NAV2: variants seen among roughly 807,000 people sequenced by gnomAD.
NAV2 encodes the protein helicase, APC down-regulated 1.
A neutral mutation model predicts 223.2 loss-of-function variants in NAV2; 54 were observed. That is an observed-to-expected ratio of 0.24 (90% CI 0.19 to 0.30). NAV2 has a LOEUF of 0.30. NAV2 is among the 10% of genes least tolerant of loss of function. The probability of loss-of-function intolerance (pLI) is 1.00; values close to 1 mark genes in which losing one functional copy is unlikely to be tolerated. For synonymous variants in NAV2, 1,279 were observed against 1,239.3 expected (o/e 1.03, Z -0.67); for missense variants, 2,806 against 3,147.5 (o/e 0.89, Z 2.60).
intron 1 of NAV2, among the ~76,000 whole-genome samples, chr11:19,831,573 A>G (rs2059945610): frequency 6.6e-6 from 1 of 152,198 alleles, no homozygotes; most frequent in South Asian, 2.1e-4. Flanking sequence ...TCACAAGTCC[A>G]TGCATGGAAC....
intron 1 of NAV2, among the ~76,000 whole-genome samples, chr11:19,351,882 T>C (rs562154914): frequency 1.9e-4 from 28 of 144,786 alleles, no homozygotes; most frequent in Non-Finnish European, 3.3e-4. Flanking sequence ...TCCTCCTGAG[T>C]CTCAAAGATT....
Position 20,118,264 on chromosome 11 carries a change from G to T in NAV2, c.*6G>T, listed in dbSNP as rs575118262. The T allele has an allele frequency of 2.5e-6, 4 of 1,613,480 alleles. No individual in the cohort carries two copies. The highest frequency in any genetic ancestry group is 3.4e-6 in the Non-Finnish European group (4 of 1,179,856). On this transcript the variant is annotated 3_prime_UTR_variant, in exon 38 of 38. Transcript: ENST00000349880. ...CTTTGGAGTCCACTCTGTGACAGGG[G>T]CCCGGAGCCCAGCGCCCTCCTCTTC...
At chr11:20,090,754 C>A in intron 26 of NAV2, 111 bp from the exon 27 acceptor site, 3 of 1,105,000 alleles carry the variant, frequency 2.7e-6, no homozygotes, top group Middle Eastern at 2.1e-4. Context: ...AAGCACCAGG[C>A]AGCTGGTTAT....
chr11:19,817,527 G>A (rs967801539), intron 1 of NAV2, among the ~76,000 whole-genome samples: 4 of 152,142 alleles, frequency 2.6e-5, no homozygotes, highest in Non-Finnish European at 5.9e-5. Flanking sequence ...CGCCTCAGTG[G>A]GTGATGAGGT....
At chr11:19,592,606 C>T (rs761208026) in intron 1 of NAV2, among the ~76,000 whole-genome samples, 12 of 152,096 alleles carry the variant, frequency 7.9e-5, no homozygotes, top group African/African-American at 2.9e-4. Context: ...ATTCCTAGGT[C>T]TCTCTGGGTA....
At chr11:19,990,830 C>G (rs751417126) in intron 11 of NAV2, among the ~76,000 whole-genome samples, 10 of 152,200 alleles carry the variant, frequency 6.6e-5, no homozygotes, top group Non-Finnish European at 1.2e-4. Context: ...GTGGCCAGTG[C>G]TCTCCTAGAC....
chr11:19,352,114 T>C (rs1238943558), intron 1 of NAV2, among the ~76,000 whole-genome samples: 1 of 152,174 alleles, frequency 6.6e-6, no homozygotes, highest in African/African-American at 2.4e-5. Flanking sequence ...AAATTCAATT[T>C]CTGAAACTGC....
intron 3 of NAV2, among the ~76,000 whole-genome samples, chr11:19,854,915 C>T (rs1445139091): frequency 6.6e-6 from 1 of 152,152 alleles, no homozygotes; most frequent in Admixed American, 6.5e-5. Context: ...GGAAAAATGA[C>T]CAGGCAAGGT....
chr11:19,581,881 G>T (rs373796069), intron 1 of NAV2, among the ~76,000 whole-genome samples: 4 of 152,176 alleles, frequency 2.6e-5, no homozygotes, highest in East Asian at 1.9e-4. Flanking sequence ...TATATACCCA[G>T]TAATGGGATG....
At chr11:19,907,558 T>C (rs2042977108) in intron 6 of NAV2, among the ~76,000 whole-genome samples, 1 of 152,184 alleles carries the variant, frequency 6.6e-6, no homozygotes, top group South Asian at 2.1e-4. Context: ...GAAGTATTGA[T>C]TGAAACTAGT....
chr11:19,801,652 C>T (rs1389570200), intron 1 of NAV2, among the ~76,000 whole-genome samples: 1 of 152,168 alleles, frequency 6.6e-6, no homozygotes, highest in Non-Finnish European at 1.5e-5. Context: ...GAGGATGTGG[C>T]TGAGCTGGAA....
At chr11:19,484,781 G>A (rs978753779) in intron 1 of NAV2, among the ~76,000 whole-genome samples, 1 of 152,200 alleles carries the variant, frequency 6.6e-6, no homozygotes, top group Admixed American at 6.5e-5. Flanking sequence ...TTGATGGATG[G>A]ACCCACAGGT....
At chr11:19,555,655 G>T (rs1361551879) in intron 1 of NAV2, among the ~76,000 whole-genome samples, 2 of 152,144 alleles carry the variant, frequency 1.3e-5, no homozygotes, top group Admixed American at 6.5e-5. Flanking sequence ...AGGTACTAAA[G>T]GTTCGGGGAC....
intron 10 of NAV2, among the ~76,000 whole-genome samples, chr11:19,954,416 T>C (rs539255229): frequency 3.3e-5 from 5 of 152,164 alleles, no homozygotes; most frequent in Non-Finnish European, 5.9e-5. Flanking sequence ...TTAATTAAAG[T>C]CATCCCTCAG....
chr11:19,348,213 C>T (rs1853106271), upstream of NAV2, among the ~76,000 whole-genome samples: 1 of 152,184 alleles, frequency 6.6e-6, no homozygotes, highest in African/African-American at 2.4e-5. Flanking sequence ...AGCACAGGGG[C>T]CTGGCACAGA....
intron 6 of NAV2, among the ~76,000 whole-genome samples, chr11:19,914,239 T>A (rs2043578082): frequency 6.6e-6 from 1 of 152,242 alleles, no homozygotes; most frequent in African/African-American, 2.4e-5. Context: ...GTGTCCTTTT[T>A]AATCTTTTTG....
At chr11:19,985,669 C>T (rs996998220) in intron 11 of NAV2, among the ~76,000 whole-genome samples, 3 of 152,014 alleles carry the variant, frequency 2.0e-5, no homozygotes, top group Non-Finnish European at 2.9e-5. Context: ...CTCCATCTCC[C>T]GGGTTCAAGC....
chr11:20,030,695 C>T (rs2055628943), intron 11 of NAV2, among the ~76,000 whole-genome samples: 1 of 152,196 alleles, frequency 6.6e-6, no homozygotes. Context: ...TTTCTAAGCA[C>T]TTAAGCAACT....
intron 11 of NAV2, among the ~76,000 whole-genome samples, chr11:20,013,746 A>T (rs914109870): frequency 3.9e-5 from 6 of 152,210 alleles, no homozygotes; most frequent in Non-Finnish European, 8.8e-5. Flanking sequence ...TAGGGGACAG[A>T]TGGATCATGA....
Sources: gnomAD v4.1 joint callset for allele counts (sites outside exome capture counted in the v4.1 genomes callset) on GRCh38, gnomAD v4.1.1 for gene constraint, MANE v1.5 for transcripts, NCBI Gene and HGNC (gene_info 2026-07-23, HGNC 2026-07-21) for gene names.